EBF1: variants seen among roughly 807,000 people sequenced by gnomAD.
EBF1 encodes the protein transcription factor COE1.
EBF1 carries 10 observed loss-of-function variants against 68.4 expected under a neutral mutation model. That is an observed-to-expected ratio of 0.15 (90% CI 0.09 to 0.25). The LOEUF is 0.25. Ranked by LOEUF, EBF1 falls within the 10% of genes least tolerant of loss-of-function variation. The probability of loss-of-function intolerance (pLI) is 1.00; values close to 1 mark genes in which losing one functional copy is unlikely to be tolerated. For synonymous variants in EBF1, 298 were observed against 299.8 expected (o/e 0.99, Z 0.06); for missense variants, 509 against 794.4 (o/e 0.64, Z 4.32).
At chr5:158,778,398 T>TTTTC (rs1407359014) in intron 9 of EBF1, among the ~76,000 whole-genome samples, 2 of 152,172 alleles carry the variant, frequency 1.3e-5, no homozygotes, top group African/African-American at 4.8e-5. Flanking sequence ...ATGTTCTCTT[T>TTTTC]CTATGGGATT....
chr5:158,952,260 C>T (rs1330958578), intron 6 of EBF1, among the ~76,000 whole-genome samples: 1 of 152,110 alleles, frequency 6.6e-6, no homozygotes, highest in Non-Finnish European at 1.5e-5. Context: ...GATAATTAAC[C>T]CATTTTTGTA....
chr5:158,969,869 AAAG>A (rs1176374998), intron 6 of EBF1, among the ~76,000 whole-genome samples: 1 of 88,744 alleles, frequency 1.1e-5, no homozygotes, highest in Non-Finnish European at 2.6e-5. Flanking sequence ...AGAAAGAAAG[AAAG>A]AAAGAAAGAA....
chr5:158,875,639 C>G (rs760065217), intron 6 of EBF1, among the ~76,000 whole-genome samples: 57 of 152,172 alleles, frequency 3.7e-4, no homozygotes, highest in Non-Finnish European at 7.2e-4. Flanking sequence ...TGAGCTGTTT[C>G]TGTAACCAAA....
intron 6 of EBF1, among the ~76,000 whole-genome samples, chr5:158,840,645 G>GTTTTTTTTTTTTTGTTTT (rs1790046018): frequency 1.5e-5 from 1 of 64,778 alleles, no homozygotes. Context: ...AATACCTCCT[G>GTTTTTTTTTTTTTGTTTT]TTTTTTTTTT....
At chr5:159,030,332 C>A (rs1032671398) in intron 6 of EBF1, among the ~76,000 whole-genome samples, 1 of 151,934 alleles carries the variant, frequency 6.6e-6, no homozygotes, top group Non-Finnish European at 1.5e-5. Flanking sequence ...AAAAATAACC[C>A]TTGATGGCCA....
chr5:158,952,358 G>A (rs1816204933), intron 6 of EBF1, among the ~76,000 whole-genome samples: 2 of 152,154 alleles, frequency 1.3e-5, no homozygotes, highest in Non-Finnish European at 1.5e-5. Context: ...CGGCACAAAG[G>A]GTGACTGAGA....
At chr5:158,726,083 G>A (rs962996425) in intron 11 of EBF1, among the ~76,000 whole-genome samples, 1 of 152,148 alleles carries the variant, frequency 6.6e-6, no homozygotes, top group African/African-American at 2.4e-5. Flanking sequence ...TCTTTTGCCT[G>A]CATGTTTAGC....
At chr5:158,835,323 C>G (rs893256302) in intron 7 of EBF1, among the ~76,000 whole-genome samples, 17 of 152,142 alleles carry the variant, frequency 1.1e-4, no homozygotes, top group African/African-American at 4.1e-4. Flanking sequence ...GGAGAATTGA[C>G]CAAACCCTTT....
At position 158,697,265 on chromosome 5, in the gene EBF1, T is replaced by G. The variant is rs1313064864; in HGVS notation, c.*1846A>C. The G allele has an allele frequency of 5.6e-6, 1 of 178,476 alleles. No individual in the cohort carries two copies. Among genetic ancestry groups the G allele is most frequent in the African/African-American group, 2.8e-5 (1 of 35,950 alleles). 11.1% of individuals were successfully genotyped at this position (178,476 alleles called of 1,614,324 possible). A position where few individuals can be genotyped will look rare whatever the true frequency, so the allele number is the denominator to read the frequency against. On this transcript the variant is annotated 3_prime_UTR_variant, in exon 16 of 16. Transcript: ENST00000313708. ...TGAACTAAATACTACAAGAATAATA[T>G]GCTACTATTTTTTTTTTTTTGCCAT...
intron 6 of EBF1, among the ~76,000 whole-genome samples, chr5:159,011,381 T>C (rs1456823811): frequency 6.6e-6 from 1 of 152,144 alleles, no homozygotes; most frequent in Non-Finnish European, 1.5e-5. Flanking sequence ...CCTCTGAGAG[T>C]ATATTTTTGT....
intron 9 of EBF1, among the ~76,000 whole-genome samples, chr5:158,781,975 G>A (rs562617932): frequency 6.6e-6 from 1 of 152,244 alleles, no homozygotes; most frequent in Admixed American, 6.5e-5. Flanking sequence ...GGTTCGCCAA[G>A]GCCTGATGGC....
chr5:159,051,632 C>G (rs966139367), intron 6 of EBF1, among the ~76,000 whole-genome samples: 1 of 151,774 alleles, frequency 6.6e-6, no homozygotes, highest in African/African-American at 2.4e-5. Flanking sequence ...GGCACCAGGG[C>G]TGGATTTATA....
At chr5:158,958,593 G>C (rs1215489838) in intron 6 of EBF1, among the ~76,000 whole-genome samples, 1 of 152,002 alleles carries the variant, frequency 6.6e-6, no homozygotes, top group Non-Finnish European at 1.5e-5. Flanking sequence ...ATAGGCTATC[G>C]CTATTACCTA....
intron 6 of EBF1, among the ~76,000 whole-genome samples, chr5:158,946,759 G>A (rs1467290250): frequency 1.3e-5 from 2 of 152,168 alleles, no homozygotes; most frequent in African/African-American, 4.8e-5. Flanking sequence ...AGGCAGGAGC[G>A]TTTAAGTCTG....
At chr5:159,094,406 G>A (rs1027833083) in intron 4 of EBF1, among the ~76,000 whole-genome samples, 1 of 151,782 alleles carries the variant, frequency 6.6e-6, no homozygotes, top group African/African-American at 2.4e-5. Flanking sequence ...TCATACTCTT[G>A]CTTTCTACTT....
chr5:158,788,200 T>TAA (rs970554391), intron 9 of EBF1, among the ~76,000 whole-genome samples: 13 of 152,106 alleles, frequency 8.5e-5, no homozygotes, highest in African/African-American at 2.9e-4. Context: ...TGGAAAGGTA[T>TAA]AAGGAACACA....
intron 9 of EBF1, among the ~76,000 whole-genome samples, chr5:158,779,476 C>T (rs933859197): frequency 1.3e-5 from 2 of 152,096 alleles, no homozygotes; most frequent in African/African-American, 4.8e-5. Context: ...TGTACCTATG[C>T]TCTCTCCATT....
At chr5:158,849,680 T>C (rs939129190) in intron 6 of EBF1, among the ~76,000 whole-genome samples, 4 of 152,244 alleles carry the variant, frequency 2.6e-5, no homozygotes, top group African/African-American at 9.6e-5. Context: ...CACAGCTGAC[T>C]TAAACTACCT....
At chr5:158,847,595 G>A (rs1391156474) in intron 6 of EBF1, among the ~76,000 whole-genome samples, 1 of 152,172 alleles carries the variant, frequency 6.6e-6, no homozygotes, top group Non-Finnish European at 1.5e-5. Flanking sequence ...TATCCTCACG[G>A]ATGTTCTTTT....
Sources: allele counts gnomAD v4.1 joint callset (sites outside exome capture counted in the v4.1 genomes callset), GRCh38; gene constraint gnomAD v4.1.1; transcripts MANE v1.5; gene names NCBI Gene and HGNC (gene_info 2026-07-23, HGNC 2026-07-21).